The following WDTC1 variants were observed in gnomAD, a reference collection of about 807,000 sequenced individuals.
The protein encoded by WDTC1 is WD and tetratricopeptide repeats 1.
WDTC1 carries 12 observed loss-of-function variants against 76.0 expected under a neutral mutation model. The ratio of observed to expected loss-of-function variants is 0.16; its 90% CI spans 0.10 to 0.26. WDTC1 has a LOEUF of 0.26. Ranked by LOEUF, WDTC1 falls within the 10% of genes least tolerant of loss-of-function variation. The probability of loss-of-function intolerance (pLI) is 1.00; values close to 1 mark genes in which losing one functional copy is unlikely to be tolerated. For synonymous variants in WDTC1, 326 were observed against 350.8 expected, an observed-to-expected ratio of 0.93 and a Z score of 0.79; for missense variants, 511 against 908.8, an observed-to-expected ratio of 0.56 and a Z score of 5.63.
At chr1:27,242,551 C>T (rs1170202290) in intron 1 of WDTC1, among the ~76,000 whole-genome samples, 4 of 151,832 alleles carry the variant, frequency 2.6e-5, no homozygotes, top group African/African-American at 9.7e-5. Context: ...CTCACTGCAA[C>T]CTCTGCCTCC....
intron 5 of WDTC1, among the ~76,000 whole-genome samples, chr1:27,285,904 C>A (rs2013319538): frequency 6.7e-6 from 1 of 149,000 alleles, no homozygotes; most frequent in Non-Finnish European, 1.5e-5. Context: ...TGCATACTTT[C>A]TTTTTTCATT....
Position 27,274,378 on chromosome 1 carries a change from A to G in WDTC1, c.133-7861A>G, listed in dbSNP as rs2012963204. Among the ~76,000 whole-genome samples the G allele has an allele frequency of 6.6e-6, 1 of 150,468 alleles. No homozygotes were observed. Among genetic ancestry groups the G allele is most frequent in the Non-Finnish European group, 1.5e-5 (1 of 67,660 alleles). ...CACAGTGGCTCATGCCTATAACCCC[A>G]TACTTTGGCAGTCAGGAGAATCATT... On this transcript the variant is annotated intron_variant, in intron 3 of 15. Coordinates refer to ENST00000319394, the MANE Select transcript of WDTC1 (RefSeq NM_001276252.2). This position sits in a 1 kb window ranked among gnomAD's most constrained non-coding sequence, Gnocchi z 4.2.
At position 27,303,602 on chromosome 1, in the gene WDTC1, TC is replaced by T; in HGVS notation, c.1469-18del. 1 of 1,571,830 alleles carries T rather than the reference TC, an allele frequency of 6.4e-7. No homozygotes were observed. ...AGAAAGGAACAAGGCGCTTACCTTT[TC>T]TGGATCTCTGCCCCCAGAGGAGAAG... On this transcript the variant is annotated intron_variant, in intron 13 of 15. Coordinates refer to ENST00000319394, the MANE Select transcript of WDTC1 (RefSeq NM_001276252.2). This position sits in a 1 kb window ranked among gnomAD's most constrained non-coding sequence, Gnocchi z 4.8.
chr1:27,292,018 A>G (rs1349171262), intron 6 of WDTC1, among the ~76,000 whole-genome samples, 197 bp from the exon 7 acceptor site: 1 of 152,220 alleles, frequency 6.6e-6, no homozygotes, highest in African/African-American at 2.4e-5. Context: ...CTAGTAGAAT[A>G]GAATGTGTGA....
At chr1:27,293,287 C>A (rs1298631474) in intron 7 of WDTC1, among the ~76,000 whole-genome samples, 1 of 150,954 alleles carries the variant, frequency 6.6e-6, no homozygotes, top group Non-Finnish European at 1.5e-5. Flanking sequence ...AAAAAATTAG[C>A]CGGGCGTGGT....
intron 5 of WDTC1, among the ~76,000 whole-genome samples, chr1:27,284,433 C>A (rs1211316040): frequency 6.6e-6 from 1 of 152,186 alleles, no homozygotes; most frequent in Non-Finnish European, 1.5e-5. Context: ...AGAGGAATTA[C>A]AAGATACCTG....
At chr1:27,240,823 A>G (rs1406019022) in intron 1 of WDTC1, among the ~76,000 whole-genome samples, 1 of 152,020 alleles carries the variant, frequency 6.6e-6, no homozygotes, top group African/African-American at 2.4e-5. Flanking sequence ...AAAAATACAA[A>G]AATTAGCCTG....
intron 9 of WDTC1, among the ~76,000 whole-genome samples, chr1:27,295,152 TTACTC>T (rs2013649357): frequency 6.6e-6 from 1 of 152,322 alleles, no homozygotes; most frequent in East Asian, 1.9e-4. Context: ...ATACATTTAT[TTACTC>T]TACCAACACT....
chr1:27,273,054 G>A (rs1165121770), intron 3 of WDTC1, among the ~76,000 whole-genome samples: 1 of 152,088 alleles, frequency 6.6e-6, no homozygotes, highest in East Asian at 1.9e-4. Flanking sequence ...AAAGGAAGCA[G>A]GGATCCTTGG....
At chr1:27,293,718 T>G (rs1335231086) in intron 7 of WDTC1, among the ~76,000 whole-genome samples, 2 of 152,180 alleles carry the variant, frequency 1.3e-5, no homozygotes, top group Admixed American at 6.5e-5. Context: ...TGGTGACCAC[T>G]GCTGCCCCTC....
intron 12 of WDTC1, among the ~76,000 whole-genome samples, chr1:27,300,519 C>T (rs774452523): frequency 1.2e-4 from 19 of 152,132 alleles, no homozygotes; most frequent in Admixed American, 7.2e-4. Flanking sequence ...AAAAGCACTC[C>T]CACTTCCCTT....
Position 27,305,893 on chromosome 1 carries a change from T to C in WDTC1, c.1837-293T>C, listed in dbSNP as rs1343361821. ...CCCTTGTCCCAGGTATCCCAGTATG[T>C]GTGTCCAACATATCCTGGTGTGTAC... is the stretch of plus-strand genomic sequence containing the variant. On this transcript the variant is annotated intron_variant, in intron 15 of 15. Transcript: ENST00000319394. The surrounding 1 kb of genome is among the most constrained non-coding windows in gnomAD (Gnocchi z 4.6). Among the ~76,000 whole-genome samples the C allele has an allele frequency of 2.0e-5, 3 of 152,218 alleles. No homozygotes were observed. In the East Asian group the frequency reaches 5.8e-4, roughly 29 times the overall value.
At chr1:27,288,649 G>C (rs1411100131) in intron 6 of WDTC1, among the ~76,000 whole-genome samples, 1 of 151,730 alleles carries the variant, frequency 6.6e-6, no homozygotes, top group East Asian at 1.9e-4. Context: ...ACATGTTTCA[G>C]AGAGCACAGG....
rs1206267263 is a variant in WDTC1, at chr1:27,301,163, G to A, written c.1233-63G>A. On this transcript the variant is annotated intron_variant, in intron 12 of 15. Transcript: ENST00000319394. This position sits in a 1 kb window ranked among gnomAD's most constrained non-coding sequence, Gnocchi z 5.8. ...GTGGCCACAGGAAGCAGAGGAGACT[G>A]AATGGGGACCCCTTGCTTGCCACGT... is the stretch of plus-strand genomic sequence containing the variant. The A allele has an allele frequency of 6.7e-7, 1 of 1,503,308 alleles. No individual in the cohort carries two copies. Among genetic ancestry groups the A allele is most frequent in the Admixed American group, 1.7e-5 (1 of 57,496 alleles). 93.1% of individuals were successfully genotyped at this position (1,503,308 alleles called of 1,614,324 possible).
At position 27,238,219 on chromosome 1, in the gene WDTC1, A is replaced by T. The variant is rs114665117; in HGVS notation, c.-100+3268A>T. Among the ~76,000 whole-genome samples the T allele has an allele frequency of 4.4e-3, 668 of 152,326 alleles. 6 individuals are homozygous for T. The highest frequency in any genetic ancestry group is 0.015 in the African/African-American group (643 of 41,570). On this transcript the variant is annotated intron_variant, in intron 1 of 15. Coordinates refer to ENST00000319394, the MANE Select transcript of WDTC1 (RefSeq NM_001276252.2). Reference sequence around the variant, plus strand: ...TGAATTGCCTCTGGGACTGTGACACATGAAGAAGAACTGAAAAGACCAAGG... The same window carrying T: ...TGAATTGCCTCTGGGACTGTGACACTTGAAGAAGAACTGAAAAGACCAAGG...
In WDTC1 at chr1:27,287,877, A is replaced by T; in HGVS notation, c.479+16A>T. On this transcript the variant is annotated intron_variant, in intron 6 of 15. Transcript: ENST00000319394. The stretch of plus-strand genomic sequence containing the variant: ...GGCTTATCCGGTAAGAGTCTGGGGC[A>T]TCTAGTGGAGCCTGTCGCTCCCCCA... 6.2e-7 allele frequency: 1 copy of T among 1,609,332 alleles called. No individual in the cohort carries two copies. The highest frequency in any genetic ancestry group is 8.5e-7 in the Non-Finnish European group (1 of 1,177,656).
At chr1:27,271,086 A>C (rs2147945687) in intron 3 of WDTC1, among the ~76,000 whole-genome samples, 1 of 152,324 alleles carries the variant, frequency 6.6e-6, no homozygotes. Context: ...GTTTTTGTAA[A>C]CAGAAGCACA....
At chr1:27,295,592 G>A (rs950849459) in intron 9 of WDTC1, among the ~76,000 whole-genome samples, 4 of 151,722 alleles carry the variant, frequency 2.6e-5, no homozygotes, top group African/African-American at 9.7e-5. Flanking sequence ...CCAAGTAGCT[G>A]GGATTACAGG....
At position 27,292,404 on chromosome 1, in the gene WDTC1, A is replaced by G; in HGVS notation, c.662+7A>G. On this transcript the variant is annotated splice_region_variant and intron_variant, in intron 7 of 15. Transcript: ENST00000319394. ...GCATGATCCATAACCACAGGTATGA[A>G]TAGTTCAGCCTCCTGTCTCCTGTGA... 1 of 1,565,120 alleles carries G rather than the reference A, an allele frequency of 6.4e-7. No homozygotes were observed. Among genetic ancestry groups the G allele is most frequent in the Non-Finnish European group, 8.7e-7 (1 of 1,151,702 alleles).
Sources: gnomAD v4.1 joint callset for allele counts (sites outside exome capture counted in the v4.1 genomes callset) on GRCh38, gnomAD v4.1.1 for gene constraint, Gnocchi (gnomAD v3.1) non-coding constraint, MANE v1.5 for transcripts, NCBI Gene and HGNC (gene_info 2026-07-23, HGNC 2026-07-21) for gene names.